Variants in MED1 observed in about 807,000 individuals in gnomAD.
The protein encoded by MED1 is mediator of RNA polymerase II transcription subunit 1.
Under a neutral mutation model 121.3 loss-of-function variants are expected in MED1, and 17 were observed. The observed-to-expected ratio is 0.14, with a 90% confidence interval of 0.10 to 0.21. The LOEUF (loss-of-function observed/expected upper bound fraction) is 0.21, where lower values mean the gene tolerates loss of function less well. Among genes scored for constraint, MED1 ranks in the 10% least tolerant of loss-of-function variants. The probability of loss-of-function intolerance (pLI) is 1.00; values close to 1 mark genes in which losing one functional copy is unlikely to be tolerated. For missense variants in MED1, 1,558 were observed against 1,919.4 expected, an observed-to-expected ratio of 0.81 and a Z score of 3.52; for synonymous variants, 661 against 694.4, an observed-to-expected ratio of 0.95 and a Z score of 0.76.
chr17:39,444,358 T>G (rs974912805), intron 2 of MED1, among the ~76,000 whole-genome samples: 1 of 151,278 alleles, frequency 6.6e-6, no homozygotes, highest in Non-Finnish European at 1.5e-5. Context: ...AATACAAAAA[T>G]TATCTGGGCG....
chr17:39,426,897 T>A (rs1240315769), intron 10 of MED1, among the ~76,000 whole-genome samples: 1 of 151,452 alleles, frequency 6.6e-6, no homozygotes, highest in Non-Finnish European at 1.5e-5. Context: ...ATTACCATAG[T>A]TCTTTAATTT....
At chr17:39,420,832 G>A (rs1355157719) in intron 13 of MED1, among the ~76,000 whole-genome samples, 3 of 112,914 alleles carry the variant, frequency 2.7e-5, no homozygotes, top group African/African-American at 6.8e-5. Context: ...TCTTGCTCTT[G>A]TAGCTCAGGC....
At chr17:39,447,080 C>T (rs1411319595) in intron 2 of MED1, among the ~76,000 whole-genome samples, 1 of 152,038 alleles carries the variant, frequency 6.6e-6, no homozygotes, top group African/African-American at 2.4e-5. Context: ...CCTCACATAA[C>T]AGGGTCATAG....
rs562656731 is a variant in MED1 at position 39,418,466 on chromosome 17, G to A, written c.1297+1251C>T. ...GAGGATCGCTTGAGCCAAGGAGGTA[G>A]AGGCAGCAGAAAGCTGTTATCATGC... is the stretch of plus-strand genomic sequence containing the variant. On this transcript the variant is annotated intron_variant, in intron 14 of 16. Coordinates refer to ENST00000300651, the MANE Select transcript of MED1 (RefSeq NM_004774.4). Among the ~76,000 whole-genome samples, 5 of 151,924 alleles carry A rather than the reference G, an allele frequency of 3.3e-5. No individual in the cohort carries two copies. In the South Asian group the frequency reaches 1.0e-3, roughly 32 times the overall value.
chr17:39,405,376 T>C lies in MED1; in HGVS notation c.*2099A>G, dbSNP rs956191633. 18 of 1,560,600 alleles carry C rather than the reference T, an allele frequency of 1.2e-5. No individual in the cohort carries two copies. Among genetic ancestry groups the C allele is most frequent in the Admixed American group, 9.6e-5 (5 of 51,892 alleles). On this transcript the variant is annotated 3_prime_UTR_variant, in exon 17 of 17. Transcript: ENST00000300651. The stretch of plus-strand genomic sequence containing the variant: ...CATTTTGGTATTTGTTGGCCCTGCA[T>C]GGGGGAGCTGAGCCCATGATACTAT...
At chr17:39,414,551 G>T (rs959277570) in intron 16 of MED1, among the ~76,000 whole-genome samples, 1 of 147,652 alleles carries the variant, frequency 6.8e-6, no homozygotes, top group Non-Finnish European at 1.5e-5. Flanking sequence ...TAGCCAGGAT[G>T]GTCTCAATCT....
chr17:39,438,654 A>T (rs1212021105), intron 6 of MED1, among the ~76,000 whole-genome samples: 8 of 151,904 alleles, frequency 5.3e-5, no homozygotes, highest in Admixed American at 2.0e-4. Context: ...TTATATTTTT[A>T]ATAGAGATGG....
chr17:39,426,557 A>G (rs997200138), intron 10 of MED1, among the ~76,000 whole-genome samples: 5 of 152,064 alleles, frequency 3.3e-5, no homozygotes, highest in Admixed American at 3.3e-4. Context: ...TTTTTGAGAC[A>G]GAGTTTTGCT....
intron 2 of MED1, among the ~76,000 whole-genome samples, chr17:39,446,835 G>A (rs959876898): frequency 1.3e-5 from 2 of 152,076 alleles, no homozygotes; most frequent in East Asian, 1.9e-4. Context: ...CAGATACTAG[G>A]AGGCTGAGGT....
At chr17:39,420,765 A>G (rs1454122968) in intron 13 of MED1, among the ~76,000 whole-genome samples, 4 of 149,600 alleles carry the variant, frequency 2.7e-5, no homozygotes, top group African/African-American at 9.8e-5. Context: ...AGCTGAGACT[A>G]CAGGCATGAA....
chr17:39,439,630 T>C (rs1171961620), intron 5 of MED1, among the ~76,000 whole-genome samples: 1 of 152,168 alleles, frequency 6.6e-6, no homozygotes, highest in Non-Finnish European at 1.5e-5. Context: ...TGGCTCATGT[T>C]TGTTGATATG....
Position 39,439,388 on chromosome 17 carries a change from A to T in MED1, c.400-195T>A, listed in dbSNP as rs535636141. Among the ~76,000 whole-genome samples the T allele has an allele frequency of 7.2e-5, 11 of 152,346 alleles. No homozygotes were observed. The South Asian group carries it at 2.3e-3, about 32-fold the overall frequency. On this transcript the variant is annotated intron_variant, in intron 5 of 16. Transcript: ENST00000300651. ...CACAGGATTAGGGTGAGAAATTTAAAGTCAAAGCATATGAAATAGTTTTTA... is the reference window on the plus strand; with the variant it reads ...CACAGGATTAGGGTGAGAAATTTAATGTCAAAGCATATGAAATAGTTTTTA...
At chr17:39,433,783 T>A (rs1320733549) in intron 7 of MED1, among the ~76,000 whole-genome samples, 1 of 152,098 alleles carries the variant, frequency 6.6e-6, no homozygotes, top group Non-Finnish European at 1.5e-5. Context: ...GGTATTGATC[T>A]CCTGAGCTCA....
At chr17:39,449,975 C>G (rs939436199) in intron 1 of MED1, among the ~76,000 whole-genome samples, 2 of 150,672 alleles carry the variant, frequency 1.3e-5, no homozygotes, top group Non-Finnish European at 3.0e-5. Flanking sequence ...CCACCACGCC[C>G]GGCTAATTTT....
intron 9 of MED1, among the ~76,000 whole-genome samples, chr17:39,428,826 C>T (rs763881429): frequency 6.7e-6 from 1 of 150,258 alleles, no homozygotes; most frequent in Non-Finnish European, 1.5e-5. Context: ...GTGGCTCGCA[C>T]CTGTAGTCCC....
In MED1 at chr17:39,440,755, C is replaced by CGCTCCCTCTCCCT; in HGVS notation, c.212-79_212-78insAGGGAGAGGGAGC. The CGCTCCCTCTCCCT allele has an allele frequency of 7.4e-7, 1 of 1,355,372 alleles. No homozygotes were observed. Among genetic ancestry groups the CGCTCCCTCTCCCT allele is most frequent in the Non-Finnish European group, 1.0e-6 (1 of 965,032 alleles). The allele number at this position is 1,355,372 out of a possible 1,614,324, so 84.0% of individuals were successfully genotyped here. A position where few individuals can be genotyped will look rare whatever the true frequency, so the allele number is the denominator to read the frequency against. On this transcript the variant is annotated intron_variant, in intron 3 of 16. Transcript: ENST00000300651. This position sits in a 1 kb window ranked among gnomAD's most constrained non-coding sequence, Gnocchi z 4.1. The stretch of plus-strand genomic sequence containing the variant: ...GATATTCTTTTAAGACAGAAAGATT[C>CGCTCCCTCTCCCT]ATCCTTCCAAAACCGTAAACATATT...
Position 39,415,319 on chromosome 17 carries a change from A to C in MED1, c.1318T>G (p.Phe440Val). 6.2e-7 allele frequency: 1 copy of C among 1,612,996 alleles called. No homozygotes were observed. ...LKEDSPGLLQ[F>V]EVCPLSESRF... ...GACTCTGAGAGAGGACACACTTCAA[A>C]TTGGAGAAGCCCAGGAGAATCTAAA... Residue 440 changes from phenylalanine to valine, a missense_variant, in exon 15 of 17, where the codon TTT becomes GTT. Coordinates refer to ENST00000300651, the MANE Select transcript of MED1 (RefSeq NM_004774.4).
chr17:39,429,530 TG>T (rs2048545090), intron 9 of MED1, among the ~76,000 whole-genome samples: 1 of 151,596 alleles, frequency 6.6e-6, no homozygotes, highest in African/African-American at 2.4e-5. Flanking sequence ...ACCCTGTCTC[TG>T]GTAAAAATAC....
intron 9 of MED1, 61 bp from the exon 10 acceptor site, chr17:39,427,851 A>G (rs1197556034): frequency 1.2e-5 from 12 of 992,034 alleles, no homozygotes; most frequent in Admixed American, 2.4e-5. Flanking sequence ...ACAGAAAAAC[A>G]TTAACATTTA....
Sources: allele counts gnomAD v4.1 joint callset (sites outside exome capture counted in the v4.1 genomes callset), GRCh38; gene constraint gnomAD v4.1.1; non-coding constraint Gnocchi (gnomAD v3.1); transcripts MANE v1.5; gene names NCBI Gene and HGNC (gene_info 2026-07-23, HGNC 2026-07-21).